Variants in CDH18 observed in about 807,000 individuals in gnomAD.
The protein encoded by CDH18 is cadherin-18.
Under a neutral mutation model 67.9 loss-of-function variants are expected in CDH18, and 31 were observed. That is an observed-to-expected ratio of 0.46 (90% CI 0.34 to 0.62). CDH18 has a LOEUF of 0.62. CDH18 is among the 20% of genes least tolerant of loss of function. CDH18 has a pLI of 0.01. For synonymous variants in CDH18, 362 were observed against 347.2 expected (o/e 1.04, Z -0.48); for missense variants, 890 against 975.5 (o/e 0.91, Z 1.17).
At chr5:19,990,399 T>G (rs1799915650), upstream of CDH18, among the ~76,000 whole-genome samples, 1 of 152,204 alleles carries the variant, frequency 6.6e-6, no homozygotes, top group Non-Finnish European at 1.5e-5. Flanking sequence ...CTGTTTTTGC[T>G]GGCCTTCCTT....
intron 2 of CDH18, among the ~76,000 whole-genome samples, chr5:20,022,518 A>G (rs1308318478): frequency 1.3e-5 from 2 of 152,344 alleles, no homozygotes; most frequent in Middle Eastern, 3.4e-3. Flanking sequence ...GATACAAAAA[A>G]CATTTCTTGC....
intron 1 of CDH18, among the ~76,000 whole-genome samples, chr5:20,356,739 CTCTCTCTCTCTCTCTA>C (rs1157432382): frequency 7.0e-5 from 10 of 143,506 alleles, no homozygotes; most frequent in African/African-American, 2.1e-4. Flanking sequence ...CTCTCTCTCT[CTCTCTCTCTCTCTCTA>C]TATATATATA....
At chr5:20,138,235 G>A (rs1246213439) in intron 2 of CDH18, among the ~76,000 whole-genome samples, 1 of 152,058 alleles carries the variant, frequency 6.6e-6, no homozygotes, top group Non-Finnish European at 1.5e-5. Context: ...CTCAATAGAT[G>A]AAGAAAAGGC....
At chr5:20,394,784 A>G (rs1470427753) in intron 1 of CDH18, among the ~76,000 whole-genome samples, 1 of 152,174 alleles carries the variant, frequency 6.6e-6, no homozygotes, top group African/African-American at 2.4e-5. Flanking sequence ...ATATGAATAG[A>G]AATTTCTCAA....
At chr5:20,317,078 T>C (rs545616042) in intron 1 of CDH18, among the ~76,000 whole-genome samples, 5 of 152,158 alleles carry the variant, frequency 3.3e-5, no homozygotes, top group South Asian at 2.1e-4. Flanking sequence ...AAAAAATAAA[T>C]TGTTAATCTA....
chr5:20,372,056 G>A (rs947985777), intron 1 of CDH18, among the ~76,000 whole-genome samples: 7 of 152,150 alleles, frequency 4.6e-5, no homozygotes, highest in Non-Finnish European at 8.8e-5. Context: ...GAAGAAACAG[G>A]CACCGAAAAG....
chr5:20,539,839 A>C (rs76190777), intron 1 of CDH18, among the ~76,000 whole-genome samples: 1 of 152,004 alleles, frequency 6.6e-6, no homozygotes, highest in East Asian at 1.9e-4. Context: ...AGGAAGACCA[A>C]GTTGAGTTTG....
At chr5:20,194,003 A>C (rs1248813750) in intron 2 of CDH18, among the ~76,000 whole-genome samples, 2 of 152,082 alleles carry the variant, frequency 1.3e-5, no homozygotes, top group Non-Finnish European at 1.5e-5. Flanking sequence ...ATACTGAATG[A>C]GCAAAAGCTG....
chr5:20,235,618 A>G (rs1046022230), intron 2 of CDH18, among the ~76,000 whole-genome samples: 1 of 152,176 alleles, frequency 6.6e-6, no homozygotes, highest in Admixed American at 6.5e-5. Flanking sequence ...TAAACAATAA[A>G]AAAGGAACAG....
At chr5:19,625,631 G>A (rs1751425027) in intron 5 of CDH18, among the ~76,000 whole-genome samples, 1 of 152,024 alleles carries the variant, frequency 6.6e-6, no homozygotes, top group African/African-American at 2.4e-5. Context: ...TTCCCCATAT[G>A]TTCAAATCAT....
chr5:20,539,741 CACACACACACACACAA>C (rs1341879411), intron 1 of CDH18, among the ~76,000 whole-genome samples: 2 of 126,594 alleles, frequency 1.6e-5, no homozygotes, highest in Non-Finnish European at 3.6e-5. Flanking sequence ...ACTACACACA[CACACACACACACACAA>C]ACACACACAC....
At position 20,413,261 on chromosome 5, in the gene CDH18, G is replaced by A. The variant is rs781332764; in HGVS notation, c.-579-157756C>T. ...AGTCTTCACTATTGTGAATAGTGCC[G>A]CAATAAACATACATGTTCATGTGTC... On this transcript the variant is annotated intron_variant, in intron 1 of 14. Coordinates refer to the CDH18 transcript ENST00000507958. Among the ~76,000 whole-genome samples the A allele has an allele frequency of 7.2e-5, 11 of 152,128 alleles. No homozygotes were observed. The South Asian group carries it at 8.3e-4, about 11-fold the overall frequency.
intron 5 of CDH18, among the ~76,000 whole-genome samples, chr5:19,616,119 A>G (rs1325386321): frequency 6.6e-6 from 1 of 152,188 alleles, no homozygotes; most frequent in African/African-American, 2.4e-5. Context: ...AAGTTAGGGG[A>G]AAATGGCAAA....
chr5:20,252,381 C>T (rs1447456208), intron 2 of CDH18, among the ~76,000 whole-genome samples: 2 of 151,594 alleles, frequency 1.3e-5, no homozygotes, highest in Non-Finnish European at 2.9e-5. Flanking sequence ...AAAAAAATCA[C>T]TCATCAAAAT....
At chr5:19,992,387 T>C (rs576386243), upstream of CDH18, among the ~76,000 whole-genome samples, 1 of 150,562 alleles carries the variant, frequency 6.6e-6, no homozygotes, top group Admixed American at 6.6e-5. Flanking sequence ...AGTGAAAATA[T>C]AATAGATGAT....
intron 1 of CDH18, among the ~76,000 whole-genome samples, chr5:20,488,673 T>TTATATATATATATATATATATATATA (rs34690857): frequency 3.2e-5 from 4 of 126,974 alleles, no homozygotes; most frequent in Non-Finnish European, 3.4e-5. Context: ...GGGTAGTGTT[T>TTATATATATATATATATATATATATA]TATATATATA....
chr5:19,916,828 G>T (rs997797695), intron 2 of CDH18, among the ~76,000 whole-genome samples: 22 of 152,026 alleles, frequency 1.4e-4, no homozygotes, highest in Non-Finnish European at 1.5e-5. Context: ...GGTTAACTTG[G>T]ATATTTATAA....
At chr5:20,501,888 T>C (rs1057088647) in intron 1 of CDH18, among the ~76,000 whole-genome samples, 1 of 137,044 alleles carries the variant, frequency 7.3e-6, no homozygotes, top group Admixed American at 7.6e-5. Flanking sequence ...TAAAAAATAC[T>C]TCCTTACACA....
chr5:19,664,021 T>C (rs1757563172), intron 5 of CDH18, among the ~76,000 whole-genome samples: 1 of 151,914 alleles, frequency 6.6e-6, no homozygotes. Flanking sequence ...ATTAAAATAG[T>C]ACTGTGCAAA....
Sources: allele counts gnomAD v4.1 joint callset (sites outside exome capture counted in the v4.1 genomes callset), GRCh38; gene constraint gnomAD v4.1.1; transcripts MANE v1.5; gene names NCBI Gene and HGNC (gene_info 2026-07-23, HGNC 2026-07-21).